Variants in SOX13 observed in about 807,000 individuals in gnomAD.
The protein encoded by SOX13 is transcription factor SOX-13.
In SOX13, 28 loss-of-function variants were observed where a neutral mutation model predicts 71.8. The observed-to-expected ratio is 0.39, with a 90% CI of 0.29 to 0.53. The LOEUF (loss-of-function observed/expected upper bound fraction) is 0.53. SOX13 is among the 20% of genes least tolerant of loss of function. SOX13 has a pLI of 0.70. For missense variants in SOX13, 627 were observed against 810.3 expected (o/e 0.77, Z 2.75); for synonymous variants, 309 against 317.8 (o/e 0.97, Z 0.29).
chr1:204,113,181 C>T, intron 2 of SOX13, 47 bp downstream of exon 2: 1 of 1,418,260 alleles, frequency 7.1e-7, no homozygotes, highest in Non-Finnish European at 9.4e-7. Flanking sequence ...TGCGCTGTAC[C>T]TGGGCTCTCT....
At chr1:204,085,013 C>T (rs1374005965) in intron 1 of SOX13, among the ~76,000 whole-genome samples, 5 of 152,104 alleles carry the variant, frequency 3.3e-5, no homozygotes, top group Non-Finnish European at 2.9e-5. Context: ...GGAAGAAAGA[C>T]GTGGTGAATG....
chr1:204,116,096 T>C, intron 4 of SOX13: 1 of 1,101,940 alleles, frequency 9.1e-7, no homozygotes, highest in Non-Finnish European at 1.2e-6. Context: ...ACAGGATGGG[T>C]TGAAATGGGA....
In SOX13 at chr1:204,125,847, C is replaced by T. The variant is rs1207055111; in HGVS notation, c.1593-11C>T. On this transcript the variant is annotated splice_polypyrimidine_tract_variant and intron_variant, in intron 13 of 13. Transcript: ENST00000367204. ...GTGCATCCATCACCGTTCCCCTTCT[C>T]TGCCCCACAGCCCGCAGGCTGGCCA... is the stretch of plus-strand genomic sequence containing the variant. The T allele has an allele frequency of 1.2e-6, 2 of 1,604,916 alleles. No homozygotes were observed. The highest frequency in any genetic ancestry group is 2.2e-5 in the East Asian group (1 of 44,742).
At chr1:204,080,578 G>T (rs1325706146) in intron 1 of SOX13, among the ~76,000 whole-genome samples, 1 of 152,026 alleles carries the variant, frequency 6.6e-6, no homozygotes, top group Non-Finnish European at 1.5e-5. Flanking sequence ...ACTCAGAATG[G>T]AATGTGCAGC....
At position 204,126,380 on chromosome 1, in the gene SOX13, CT is replaced by C; in HGVS notation, c.*249del. The C allele has an allele frequency of 1.8e-6, 1 of 561,296 alleles. No homozygotes were observed. The highest frequency in any genetic ancestry group is 3.2e-6 in the Non-Finnish European group (1 of 312,460). The allele number at this position is 561,296 out of a possible 1,614,324, so 34.8% of individuals were successfully genotyped here. A position where few individuals can be genotyped will look rare whatever the true frequency, so the allele number is the denominator to read the frequency against. On this transcript the variant is annotated 3_prime_UTR_variant, in exon 14 of 14. Transcript: ENST00000367204. The stretch of plus-strand genomic sequence containing the variant: ...GGCTGAGCAGGCTGAGCACCTCAGC[CT>C]TTAGGGCTTATGGCCAGGGGACACT...
At chr1:204,117,318 C>A in intron 6 of SOX13, 128 bp downstream of exon 6, 1 of 823,834 alleles carries the variant, frequency 1.2e-6, no homozygotes. Flanking sequence ...CAGGCCTGAC[C>A]TGAGGAGGGT....
At chr1:204,075,830 T>C (rs929307194) in intron 1 of SOX13, among the ~76,000 whole-genome samples, 2 of 152,214 alleles carry the variant, frequency 1.3e-5, no homozygotes, top group Non-Finnish European at 2.9e-5. Flanking sequence ...CTGAGAACAG[T>C]GCCTGGCACA....
At position 204,125,866 on chromosome 1, in the gene SOX13, C is replaced by T; in HGVS notation, c.1601C>T (p.Ala534Val). 1 of 1,610,200 alleles carries T rather than the reference C, an allele frequency of 6.2e-7. No homozygotes were observed. Among genetic ancestry groups the T allele is most frequent in the Non-Finnish European group, 8.5e-7 (1 of 1,178,844 alleles). The stretch of plus-strand genomic sequence containing the variant: ...CCTTCTCTGCCCCACAGCCCGCAGG[C>T]TGGCCAGGTGCAGATGAGCTCCTCA... ...ARQSYVIPPQ[A>V]GQVQMSSSDV... Residue 534 changes from alanine to valine, a missense_variant, in exon 14 of 14, where the codon GCT (alanine) becomes GTT (valine). Ala to Val is a moderately conservative substitution (Grantham distance 64). Coordinates refer to ENST00000367204, the MANE Select transcript of SOX13 (RefSeq NM_005686.3).
At chr1:204,118,599 C>T (rs978853858) in intron 7 of SOX13, 7 of 152,222 alleles carry the variant, frequency 4.6e-5, no homozygotes, top group African/African-American at 1.7e-4. Flanking sequence ...AAGTGATCCT[C>T]CCGCCTCAGC....
chr1:204,086,311 T>G (rs1656017115), intron 1 of SOX13, among the ~76,000 whole-genome samples: 2 of 152,200 alleles, frequency 1.3e-5, no homozygotes, highest in South Asian at 4.1e-4. Flanking sequence ...TAAAAAATTT[T>G]TTTTGTTTTT....
intron 1 of SOX13, among the ~76,000 whole-genome samples, chr1:204,111,157 A>G (rs1251918158): frequency 1.3e-5 from 2 of 152,238 alleles, no homozygotes; most frequent in Non-Finnish European, 2.9e-5. Context: ...TGTGATAAAC[A>G]AGGAAACAAC....
Position 204,073,329 on chromosome 1 carries a change from G to A in SOX13, c.-384G>A, listed in dbSNP as rs1460461265. 1 of 152,754 alleles carries A rather than the reference G, an allele frequency of 6.5e-6. No individual in the cohort carries two copies. The highest frequency in any genetic ancestry group is 6.5e-5 in the Admixed American group (1 of 15,286). 9.5% of individuals were successfully genotyped at this position (152,754 alleles called of 1,614,324 possible). ...GTGAGAGCCGAAGAGCAGGGAGGGC[G>A]GGCCGGCTGCGCGTCCGACGAGTCG... On this transcript the variant is annotated 5_prime_UTR_variant, in exon 1 of 14. Coordinates refer to ENST00000367204, the MANE Select transcript of SOX13 (RefSeq NM_005686.3). This position sits in a 1 kb window ranked among gnomAD's most constrained non-coding sequence, Gnocchi z 6.8.
intron 1 of SOX13, 140 bp from the exon 2 acceptor site, chr1:204,112,775 G>T: frequency 1.6e-6 from 1 of 610,806 alleles, no homozygotes. Context: ...AAGTAAGCTT[G>T]CCCTTTCTGT....
At chr1:204,095,410 T>G (rs757459877) in intron 1 of SOX13, among the ~76,000 whole-genome samples, 9 of 152,182 alleles carry the variant, frequency 5.9e-5, no homozygotes, top group Non-Finnish European at 1.3e-4. Flanking sequence ...AGGGAAGGCC[T>G]TCTAGTTGGT....
In SOX13 at chr1:204,081,110, T is replaced by C. The variant is rs1277993655; in HGVS notation, c.-2+7399T>C. 6.6e-6 allele frequency among the ~76,000 whole-genome samples: 1 copy of C among 151,966 alleles called. No homozygotes were observed. The highest frequency in any genetic ancestry group is 1.9e-4 in the East Asian group (1 of 5,156). On this transcript the variant is annotated intron_variant, in intron 1 of 13. Coordinates refer to ENST00000367204, the MANE Select transcript of SOX13 (RefSeq NM_005686.3). This position sits in a 1 kb window ranked among gnomAD's most constrained non-coding sequence, Gnocchi z 4.3. ...GTATTTTTAGTAGAGACGGGATTTC[T>C]CCATGTTGGTTAGGCTGGTCTCGAA...
At chr1:204,075,744 C>T (rs567411851) in intron 1 of SOX13, among the ~76,000 whole-genome samples, 2 of 152,266 alleles carry the variant, frequency 1.3e-5, no homozygotes, top group African/African-American at 4.8e-5. Context: ...GCCTCAGTTT[C>T]CTCAGCCATA....
intron 1 of SOX13, 40 bp from the exon 2 acceptor site, chr1:204,112,875 G>A (rs773610732): frequency 4.0e-5 from 62 of 1,561,196 alleles, no homozygotes; most frequent in African/African-American, 6.8e-5. Context: ...AGAAGTTTAC[G>A]ACTGGGGACT....
intron 1 of SOX13, among the ~76,000 whole-genome samples, chr1:204,095,826 C>T (rs1010995187): frequency 6.6e-6 from 1 of 152,180 alleles, no homozygotes; most frequent in Non-Finnish European, 1.5e-5. Flanking sequence ...AATAGCGTCC[C>T]CTTCCTCTCT....
intron 1 of SOX13, among the ~76,000 whole-genome samples, chr1:204,097,221 G>C (rs1232826602): frequency 2.6e-5 from 4 of 152,172 alleles, no homozygotes; most frequent in African/African-American, 9.6e-5. Flanking sequence ...TGTGAAATTG[G>C]AAGAGTTGAA....
Sources: gnomAD v4.1 joint callset for allele counts (sites outside exome capture counted in the v4.1 genomes callset) on GRCh38, gnomAD v4.1.1 for gene constraint, Gnocchi (gnomAD v3.1) non-coding constraint, MANE v1.5 for transcripts, NCBI Gene and HGNC (gene_info 2026-07-23, HGNC 2026-07-21) for gene names.